GPC5: variants seen among roughly 807,000 people sequenced by gnomAD.
The protein encoded by GPC5 is glypican 5, also known as glypican-5.
Under a neutral mutation model 53.9 loss-of-function variants are expected in GPC5, and 47 were observed. The ratio of observed to expected loss-of-function variants is 0.87; its 90% confidence interval spans 0.69 to 1.11. GPC5 has a LOEUF of 1.11. Ranked by LOEUF, GPC5 falls within the 50% of genes most tolerant of loss-of-function variation. GPC5 has a pLI of 0.00. For synonymous variants in GPC5, 286 were observed against 263.3 expected, an observed-to-expected ratio of 1.09 and a Z score of -0.84; for missense variants, 748 against 713.1, an observed-to-expected ratio of 1.05 and a Z score of -0.56.
Position 92,127,953 on chromosome 13 carries a change from C to T in GPC5, c.1402-16877C>T, listed in dbSNP as rs759770693. 6.6e-5 allele frequency among the ~76,000 whole-genome samples: 10 copies of T among 152,100 alleles called. No individual in the cohort carries two copies. The East Asian group carries it at 1.3e-3, about 21-fold the overall frequency. On this transcript the variant is annotated intron_variant, in intron 6 of 7. Transcript: ENST00000377067. ...TTTGAGTCAACAAAATTTCACTTTG[C>T]GATGAAATAAGACAATCCTGGAGGG...
chr13:92,436,296 T>C (rs1456626490), intron 7 of GPC5, among the ~76,000 whole-genome samples: 1 of 147,660 alleles, frequency 6.8e-6, no homozygotes, highest in Non-Finnish European at 1.5e-5. Flanking sequence ...ATGTATGTTT[T>C]ATGTGTGTAA....
intron 7 of GPC5, among the ~76,000 whole-genome samples, chr13:92,707,104 TGA>T: frequency 6.8e-6 from 1 of 146,866 alleles, no homozygotes; most frequent in African/African-American, 2.7e-5. Flanking sequence ...CAGAACTATA[TGA>T]CATACATGGC....
chr13:92,031,746 TATATATTATATTACATATTATATATA>T (rs1473248589), intron 6 of GPC5, among the ~76,000 whole-genome samples: 3 of 86,368 alleles, frequency 3.5e-5, no homozygotes, highest in East Asian at 6.2e-4. Context: ...TTATATATAA[TATATATTATATTACATATTATATATA>T]ATATATAATA....
At chr13:91,602,667 T>C (rs2033218059) in intron 2 of GPC5, among the ~76,000 whole-genome samples, 1 of 152,218 alleles carries the variant, frequency 6.6e-6, no homozygotes, top group African/African-American at 2.4e-5. Context: ...TTGATGATAT[T>C]GTTTTTCGGT....
At chr13:91,558,317 A>G (rs528244495) in intron 2 of GPC5, among the ~76,000 whole-genome samples, 1 of 151,256 alleles carries the variant, frequency 6.6e-6, no homozygotes, top group African/African-American at 2.4e-5. Context: ...TAGTTAACTT[A>G]AAGATAGGAA....
At chr13:92,429,081 A>G (rs150630104) in intron 7 of GPC5, among the ~76,000 whole-genome samples, 2 of 152,260 alleles carry the variant, frequency 1.3e-5, no homozygotes, top group East Asian at 3.9e-4. Flanking sequence ...TAAGATTTGA[A>G]AAAATTAAAG....
intron 7 of GPC5, among the ~76,000 whole-genome samples, chr13:92,575,433 C>G (rs1265846017): frequency 6.6e-6 from 1 of 152,104 alleles, no homozygotes; most frequent in African/African-American, 2.4e-5. Context: ...AGAACATTTT[C>G]AGACACTAGA....
chr13:91,719,547 C>G (rs1208403693), intron 3 of GPC5, among the ~76,000 whole-genome samples: 1 of 152,188 alleles, frequency 6.6e-6, no homozygotes, highest in African/African-American at 2.4e-5. Context: ...ACCATTCCAG[C>G]TAACTTACTC....
intron 2 of GPC5, among the ~76,000 whole-genome samples, chr13:91,622,928 T>C (rs1235403301): frequency 2.0e-5 from 3 of 152,136 alleles, no homozygotes; most frequent in Non-Finnish European, 4.4e-5. Context: ...AATTCCATGA[T>C]TCATAGGCTG....
chr13:92,628,264 C>CTTTTTTTTGTTTTTTTTT (rs1885116014), intron 7 of GPC5, among the ~76,000 whole-genome samples: 1 of 45,338 alleles, frequency 2.2e-5, no homozygotes, highest in African/African-American at 7.3e-5. Context: ...CTTTTTCTTT[C>CTTTTTTTTGTTTTTTTTT]TTTTTTTTTT....
chr13:91,643,766 C>A (rs140612696), intron 2 of GPC5, among the ~76,000 whole-genome samples: 9 of 152,230 alleles, frequency 5.9e-5, no homozygotes, highest in Non-Finnish European at 7.4e-5. Context: ...TGGCCTCCCC[C>A]CTGTGTACCT....
chr13:92,093,066 C>T (rs965947110), intron 6 of GPC5, among the ~76,000 whole-genome samples: 21 of 152,160 alleles, frequency 1.4e-4, no homozygotes, highest in African/African-American at 4.8e-4. Flanking sequence ...GCAAAAGGCT[C>T]AGAAACCCCA....
chr13:91,457,044 A>G lies in GPC5; in HGVS notation c.325+8122A>G, dbSNP rs78140577. On this transcript the variant is annotated intron_variant, in intron 2 of 7. Transcript: ENST00000377067. ...AACAAAGTTACAGTAAAATTGCGTAATAATTTGATCACAAATTATTACTAT... is the reference window on the plus strand; with the variant it reads ...AACAAAGTTACAGTAAAATTGCGTAGTAATTTGATCACAAATTATTACTAT... Among the ~76,000 whole-genome samples, 1,649 of 152,230 alleles carry G rather than the reference A, an allele frequency of 0.011. 96 individuals carry two copies. In the East Asian group the frequency reaches 0.18, roughly 17 times the overall value.
In GPC5 at chr13:92,011,047, C is replaced by T. The variant is rs977726701; in HGVS notation, c.1401+102990C>T. 4.6e-5 allele frequency among the ~76,000 whole-genome samples: 7 copies of T among 152,084 alleles called. No homozygotes were observed. The South Asian group carries it at 8.3e-4, about 18-fold the overall frequency. On this transcript the variant is annotated intron_variant, in intron 6 of 7. Coordinates refer to ENST00000377067, the MANE Select transcript of GPC5 (RefSeq NM_004466.6). Reference sequence around the variant, plus strand: ...AGTTTTGCATGTGTGTGAATATGTACCAACATGAAATACATTAAAAATACT... The same window carrying T: ...AGTTTTGCATGTGTGTGAATATGTATCAACATGAAATACATTAAAAATACT...
intron 2 of GPC5, among the ~76,000 whole-genome samples, chr13:91,568,772 T>C (rs2031651823): frequency 6.7e-6 from 1 of 150,028 alleles, no homozygotes. Flanking sequence ...TTTTTTTTTT[T>C]CAGAAGGAGT....
At position 92,595,693 on chromosome 13, in the gene GPC5, G is replaced by A. The variant is rs538061153; in HGVS notation, c.1562-270589G>A. Among the ~76,000 whole-genome samples, 919 of 148,814 alleles carry A rather than the reference G, an allele frequency of 6.2e-3. 11 individuals carry two copies. The highest frequency in any genetic ancestry group is 0.022 in the African/African-American group (876 of 40,630). The stretch of plus-strand genomic sequence containing the variant: ...TGAGGCAGGAGAATGGCGTGAACCC[G>A]GGAGGCGGAGCTTGCAGTGAGCAGA... On this transcript the variant is annotated intron_variant, in intron 7 of 7. Coordinates refer to ENST00000377067, the MANE Select transcript of GPC5 (RefSeq NM_004466.6).
intron 1 of GPC5, among the ~76,000 whole-genome samples, chr13:91,413,029 C>G (rs973202328): frequency 1.5e-4 from 23 of 152,314 alleles, no homozygotes; most frequent in Middle Eastern, 6.8e-3. Flanking sequence ...CGCCTGTAAT[C>G]TGAGCACTTT....
intron 6 of GPC5, among the ~76,000 whole-genome samples, chr13:91,947,752 A>G (rs2039987015): frequency 6.6e-6 from 1 of 152,160 alleles, no homozygotes; most frequent in African/African-American, 2.4e-5. Context: ...CAATTCTGCA[A>G]TTACATTTTG....
chr13:92,749,500 TTC>T (rs1889325382), intron 7 of GPC5, among the ~76,000 whole-genome samples: 1 of 152,168 alleles, frequency 6.6e-6, no homozygotes, highest in Non-Finnish European at 1.5e-5. Context: ...ATTGATAGTA[TTC>T]TGTTTGATTT....
Sources: gnomAD v4.1 joint callset for allele counts (sites outside exome capture counted in the v4.1 genomes callset) on GRCh38, gnomAD v4.1.1 for gene constraint, MANE v1.5 for transcripts, NCBI Gene and HGNC (gene_info 2026-07-23, HGNC 2026-07-21) for gene names.